The following TDRD5 variants were observed in gnomAD, a reference collection of about 807,000 sequenced individuals.
TDRD5 encodes tudor domain-containing protein 5.
A neutral mutation model predicts 120.6 loss-of-function variants in TDRD5; 41 were observed. That is an observed-to-expected ratio of 0.34 (90% confidence interval 0.26 to 0.44). The LOEUF is 0.44. TDRD5 is among the 20% of genes least tolerant of loss of function. TDRD5 has a pLI of 1.00. For synonymous variants in TDRD5, 430 were observed against 433.7 expected, an observed-to-expected ratio of 0.99 and a Z score of 0.11; for missense variants, 1,006 against 1,221.2, an observed-to-expected ratio of 0.82 and a Z score of 2.63.
chr1:179,641,640 G>A (rs1301687575), intron 11 of TDRD5, among the ~76,000 whole-genome samples: 3 of 152,130 alleles, frequency 2.0e-5, no homozygotes, highest in African/African-American at 7.2e-5. Context: ...TATTTTATTG[G>A]ATGTTGGGAG....
intron 4 of TDRD5, among the ~76,000 whole-genome samples, chr1:179,614,338 T>C (rs1481586532): frequency 6.6e-6 from 1 of 152,196 alleles, no homozygotes; most frequent in Non-Finnish European, 1.5e-5. Flanking sequence ...AATGATGGTG[T>C]GAATGTGCCA....
At chr1:179,646,628 A>T (rs1237484230) in intron 11 of TDRD5, among the ~76,000 whole-genome samples, 1 of 150,268 alleles carries the variant, frequency 6.7e-6, no homozygotes, top group Non-Finnish European at 1.5e-5. Flanking sequence ...AGAAGGAAAT[A>T]GAGGGTATTC....
intron 11 of TDRD5, among the ~76,000 whole-genome samples, chr1:179,641,103 CTTTT>C (rs1027742578): frequency 7.1e-6 from 1 of 141,172 alleles, no homozygotes; most frequent in African/African-American, 2.5e-5. Context: ...ATGTACCTAA[CTTTT>C]TATTTTTCCT....
At chr1:179,597,620 A>G (rs529086065) in intron 4 of TDRD5, among the ~76,000 whole-genome samples, 3 of 152,222 alleles carry the variant, frequency 2.0e-5, no homozygotes, top group Non-Finnish European at 1.5e-5. Context: ...GTGAGCCACC[A>G]CGCCTGGCCC....
chr1:179,670,574 A>G (rs1679810831), intron 17 of TDRD5, among the ~76,000 whole-genome samples: 1 of 152,074 alleles, frequency 6.6e-6, no homozygotes, highest in Non-Finnish European at 1.5e-5. Flanking sequence ...AGTAGATGTT[A>G]TTGTCGATCT....
chr1:179,643,986 A>T (rs923343247), intron 11 of TDRD5, among the ~76,000 whole-genome samples: 19 of 152,200 alleles, frequency 1.2e-4, no homozygotes, highest in Non-Finnish European at 2.5e-4. Context: ...TATAAATAAT[A>T]ACTAACTGCC....
At chr1:179,593,933 A>G (rs1675252051) in intron 3 of TDRD5, 66 bp downstream of exon 3, 7 of 1,539,000 alleles carry the variant, frequency 4.5e-6, no homozygotes, top group East Asian at 4.5e-5. Flanking sequence ...ACTAAGGTCT[A>G]TGAGTTCGTT....
chr1:179,630,060 A>G (rs910146688), intron 6 of TDRD5, among the ~76,000 whole-genome samples: 1 of 151,606 alleles, frequency 6.6e-6, no homozygotes, highest in Admixed American at 6.6e-5. Flanking sequence ...GCTCACTGCA[A>G]GCTCCACCTC....
chr1:179,593,473 A>G lies in TDRD5; in HGVS notation c.246A>G (p.Glu82=), dbSNP rs576077105. The G allele has an allele frequency of 3.7e-5, 59 of 1,612,376 alleles. No homozygotes were observed. The East Asian group carries it at 1.1e-3, about 29-fold the overall frequency. Residue 82 remains glutamate, a synonymous_variant, in exon 3 of 18, where the codon GAA becomes GAG. Coordinates refer to ENST00000444136, the MANE Select transcript of TDRD5 (RefSeq NM_001199085.3). ...GTVILKAIPD[E]STKGIASLVA... is the part of the protein sequence containing the mutation. The stretch of plus-strand genomic sequence containing the variant: ...TTCACGTCTCAGCCATTCCAGATGA[A>G]TCTACCAAAGGAATAGCAAGCTTAG...
At chr1:179,687,551 T>A (rs1039724186) in intron 17 of TDRD5, among the ~76,000 whole-genome samples, 2 of 152,232 alleles carry the variant, frequency 1.3e-5, no homozygotes, top group Non-Finnish European at 1.5e-5. Context: ...TGTAGATGTC[T>A]ATTAGGTCTG....
chr1:179,670,943 C>G (rs544054001), intron 17 of TDRD5, among the ~76,000 whole-genome samples: 1 of 152,226 alleles, frequency 6.6e-6, no homozygotes, highest in East Asian at 1.9e-4. Context: ...ATCTTTAACT[C>G]AAATAACTAA....
chr1:179,686,097 G>A (rs1183065772), intron 17 of TDRD5, among the ~76,000 whole-genome samples: 2 of 152,206 alleles, frequency 1.3e-5, no homozygotes, highest in Non-Finnish European at 2.9e-5. Context: ...GGAGTGGTGA[G>A]AGAGGGCATC....
At position 179,634,584 on chromosome 1, in the gene TDRD5, G is replaced by A; in HGVS notation, c.1254G>A (p.Gln418=). ...CAAAAAAACAAAAAGAGCCACAACA[G>A]AAGATTTGCAAGAAGCCTAATCTGG... ...CPSKKQKEPQ[Q]KICKKPNLVV... Residue 418 remains glutamine (Q), a synonymous_variant, in exon 8 of 18, where the codon CAG becomes CAA. Coordinates refer to ENST00000444136, the MANE Select transcript of TDRD5 (RefSeq NM_001199085.3). 6.2e-7 allele frequency: 1 copy of A among 1,613,936 alleles called. No individual in the cohort carries two copies. Among genetic ancestry groups the A allele is most frequent in the South Asian group, 1.1e-5 (1 of 91,032 alleles).
chr1:179,605,046 G>A (rs945169306), intron 4 of TDRD5, among the ~76,000 whole-genome samples: 7 of 152,156 alleles, frequency 4.6e-5, no homozygotes, highest in Non-Finnish European at 8.8e-5. Flanking sequence ...TTATAAATTT[G>A]GGAGCTCCAG....
rs1346973382 is a variant in TDRD5, at chr1:179,673,351, G to T, written c.2860+3947G>T. 1.3e-4 allele frequency among the ~76,000 whole-genome samples: 20 copies of T among 152,056 alleles called. 1 individual carries two copies. The highest frequency in any genetic ancestry group is 1.2e-3 in the Admixed American group (18 of 15,264). On this transcript the variant is annotated intron_variant, in intron 17 of 17. Transcript: ENST00000444136. ...TATTCCTAAGTATTCTATTTTTATT[G>T]CAGCTATTGTGAAAGGGGTTGAGTT...
chr1:179,620,852 C>G (rs1214698657), intron 5 of TDRD5, among the ~76,000 whole-genome samples, 183 bp from the exon 6 acceptor site: 1 of 151,716 alleles, frequency 6.6e-6, no homozygotes, highest in Non-Finnish European at 1.5e-5. Flanking sequence ...AAATCACAGT[C>G]TCTTTTTGTT....
intron 4 of TDRD5, among the ~76,000 whole-genome samples, chr1:179,604,557 A>G (rs1452517558): frequency 6.6e-6 from 1 of 152,088 alleles, no homozygotes; most frequent in Non-Finnish European, 1.5e-5. Flanking sequence ...GCTGTATCCC[A>G]GAGTTTTTGA....
chr1:179,689,103 C>T (rs538186751), intron 17 of TDRD5, among the ~76,000 whole-genome samples: 9 of 152,306 alleles, frequency 5.9e-5, no homozygotes, highest in Non-Finnish European at 8.8e-5. Flanking sequence ...TGAGGAGCTG[C>T]GTTCCTTTGG....
At chr1:179,598,533 TTC>T (rs1280125828) in intron 4 of TDRD5, among the ~76,000 whole-genome samples, 3 of 152,238 alleles carry the variant, frequency 2.0e-5, no homozygotes, top group Non-Finnish European at 4.4e-5. Context: ...GGTCTTTACA[TTC>T]TCTCAGCAAT....
Sources: gnomAD v4.1 joint callset for allele counts (sites outside exome capture counted in the v4.1 genomes callset) on GRCh38, gnomAD v4.1.1 for gene constraint, MANE v1.5 for transcripts, NCBI Gene and HGNC (gene_info 2026-07-23, HGNC 2026-07-21) for gene names.